Variants in RALGPS1 observed in about 807,000 individuals in gnomAD.
RALGPS1 encodes the protein Ral GEF with PH domain and SH3 binding motif 1.
In RALGPS1, 19 loss-of-function variants were observed where a neutral mutation model predicts 78.8. The observed-to-expected ratio is 0.24, with a 90% CI of 0.17 to 0.35. The LOEUF (loss-of-function observed/expected upper bound fraction) is 0.35. RALGPS1 is among the 10% of genes least tolerant of loss of function. The pLI is 1.00. For missense variants in RALGPS1, 454 were observed against 688.3 expected (o/e 0.66, Z 3.81); for synonymous variants, 228 against 256.3 (o/e 0.89, Z 1.06).
At chr9:127,161,278 G>A (rs2059001882) in intron 8 of RALGPS1, among the ~76,000 whole-genome samples, 1 of 152,228 alleles carries the variant, frequency 6.6e-6, no homozygotes, top group Non-Finnish European at 1.5e-5. Context: ...GCTTCAAATA[G>A]GGCCAGCCGT....
chr9:127,043,442 T>C (rs1400927845), intron 5 of RALGPS1, among the ~76,000 whole-genome samples: 3 of 151,820 alleles, frequency 2.0e-5, no homozygotes, highest in Non-Finnish European at 1.5e-5. Context: ...CCTTAGACCT[T>C]TCCTAAAAAT....
At chr9:127,090,373 G>C (rs968432154) in intron 8 of RALGPS1, among the ~76,000 whole-genome samples, 3 of 152,252 alleles carry the variant, frequency 2.0e-5, no homozygotes, top group Non-Finnish European at 4.4e-5. Flanking sequence ...CTTCTGCCCT[G>C]CTCTTCTAGA....
chr9:127,027,317 T>C (rs1386103989), intron 4 of RALGPS1, among the ~76,000 whole-genome samples: 1 of 152,180 alleles, frequency 6.6e-6, no homozygotes, highest in Admixed American at 6.5e-5. Context: ...ACACGCAACC[T>C]GTTTTGAACT....
At chr9:126,943,850 A>G (rs1040779647) in intron 1 of RALGPS1, among the ~76,000 whole-genome samples, 1 of 152,230 alleles carries the variant, frequency 6.6e-6, no homozygotes, top group Non-Finnish European at 1.5e-5. Flanking sequence ...TCGTAGGGCC[A>G]GGACTCAATG....
intron 8 of RALGPS1, among the ~76,000 whole-genome samples, chr9:127,156,388 A>G (rs931588421): frequency 1.3e-5 from 2 of 152,190 alleles, no homozygotes; most frequent in Non-Finnish European, 2.9e-5. Context: ...CTATCAATTT[A>G]TGCTGTAGTC....
intron 11 of RALGPS1, among the ~76,000 whole-genome samples, chr9:127,188,056 C>CTT (rs35971647): frequency 0.042 from 3,436 of 81,670 alleles, 284 homozygotes; most frequent in African/African-American, 0.15. Context: ...GAATTAGAGC[C>CTT]TTTTTTTTTT....
At chr9:127,179,461 CA>C (rs2060082531) in intron 11 of RALGPS1, among the ~76,000 whole-genome samples, 1 of 152,174 alleles carries the variant, frequency 6.6e-6, no homozygotes, top group African/African-American at 2.4e-5. Context: ...GTGCCTCTTG[CA>C]GTCCCGGGAA....
chr9:127,080,744 A>G (rs976486011), intron 8 of RALGPS1, among the ~76,000 whole-genome samples: 2 of 152,198 alleles, frequency 1.3e-5, no homozygotes, highest in East Asian at 3.8e-4. Context: ...TCCCTTTTAC[A>G]TATACAAGTT....
intron 14 of RALGPS1, among the ~76,000 whole-genome samples, chr9:127,209,991 C>T (rs983302764): frequency 6.6e-5 from 10 of 152,146 alleles, no homozygotes; most frequent in South Asian, 2.1e-4. Flanking sequence ...CAAGTGGATA[C>T]GGGAAGTGAG....
intron 10 of RALGPS1, among the ~76,000 whole-genome samples, chr9:127,173,767 C>G (rs2059687388): frequency 6.6e-6 from 1 of 152,178 alleles, no homozygotes; most frequent in Non-Finnish European, 1.5e-5. Flanking sequence ...AATCCCAGCA[C>G]TTTGGGAGGC....
At chr9:127,164,946 T>G (rs1001838329) in intron 8 of RALGPS1, among the ~76,000 whole-genome samples, 3 of 152,250 alleles carry the variant, frequency 2.0e-5, no homozygotes, top group African/African-American at 7.2e-5. Flanking sequence ...CTTATATAAA[T>G]TCTGGAAAAG....
chr9:127,051,103 A>G (rs9695418), intron 6 of RALGPS1, among the ~76,000 whole-genome samples: 8,962 of 152,262 alleles, frequency 0.059, 885 homozygotes, highest in African/African-American at 0.2. Flanking sequence ...TGGGCGGGTT[A>G]AGTGCATCAT....
intron 8 of RALGPS1, among the ~76,000 whole-genome samples, chr9:127,143,981 G>A (rs2057946954): frequency 6.6e-6 from 1 of 152,254 alleles, no homozygotes; most frequent in Admixed American, 6.5e-5. Context: ...GGATGGATTA[G>A]GCTGTGGGAG....
chr9:127,052,462 C>T (rs1369426301), intron 6 of RALGPS1, among the ~76,000 whole-genome samples: 3 of 152,190 alleles, frequency 2.0e-5, no homozygotes, highest in Admixed American at 2.0e-4. Flanking sequence ...TTTCCTTGGC[C>T]TCTGTCTCCT....
At chr9:127,093,925 G>T in intron 8 of RALGPS1, 1 of 1,613,402 alleles carries the variant, frequency 6.2e-7, no homozygotes, top group Non-Finnish European at 8.5e-7. Context: ...CTCTCCATGG[G>T]CCTGGGGACA....
At chr9:126,946,004 T>TA (rs2037227722) in intron 1 of RALGPS1, among the ~76,000 whole-genome samples, 1 of 152,238 alleles carries the variant, frequency 6.6e-6, no homozygotes, top group Admixed American at 6.5e-5. Context: ...GCAATCACTC[T>TA]ATTAAGAATA....
intron 1 of RALGPS1, among the ~76,000 whole-genome samples, chr9:126,949,888 C>G (rs2037647282): frequency 6.6e-6 from 1 of 152,144 alleles, no homozygotes; most frequent in Non-Finnish European, 1.5e-5. Flanking sequence ...AGTCCTTGCC[C>G]ATGCCTGTGT....
At chr9:127,058,234 C>T (rs974233375) in intron 7 of RALGPS1, among the ~76,000 whole-genome samples, 2 of 152,102 alleles carry the variant, frequency 1.3e-5, no homozygotes, top group South Asian at 2.1e-4. Context: ...GACTGGGCAG[C>T]GGGGCCAATC....
chr9:127,029,664 A>G (rs1484158877), intron 4 of RALGPS1, among the ~76,000 whole-genome samples: 1 of 152,252 alleles, frequency 6.6e-6, no homozygotes, highest in Non-Finnish European at 1.5e-5. Flanking sequence ...AGTTAGGCAC[A>G]CGTGGAAGGG....
Sources: allele counts gnomAD v4.1 joint callset (sites outside exome capture counted in the v4.1 genomes callset), GRCh38; gene constraint gnomAD v4.1.1; transcripts MANE v1.5; gene names NCBI Gene and HGNC (gene_info 2026-07-23, HGNC 2026-07-21).